The following PABPC4L variants were observed in gnomAD, a reference collection of about 807,000 sequenced individuals.
PABPC4L encodes poly(A) binding protein cytoplasmic 4 like.
For synonymous variants in PABPC4L, 169 were observed against 164.1 expected, an observed-to-expected ratio of 1.03 and a Z score of -0.23; for missense variants, 452 against 451.4, an observed-to-expected ratio of 1.00 and a Z score of -0.01.
At chr4:134,097,214 C>G in the PABPC4L span, among the ~76,000 whole-genome samples, 1 of 151,720 alleles carries the variant, frequency 6.6e-6, no homozygotes, top group African/African-American at 2.4e-5. Flanking sequence ...TGTTTGAAGA[C>G]AATTTAAAAT....
chr4:133,965,622 T>C, the PABPC4L span, among the ~76,000 whole-genome samples: 13 of 152,090 alleles, frequency 8.5e-5, no homozygotes, highest in Non-Finnish European at 1.6e-4. Flanking sequence ...AATATTCACA[T>C]AGACCAATGG....
chr4:133,962,841 C>A, the PABPC4L span, among the ~76,000 whole-genome samples: 42 of 152,112 alleles, frequency 2.8e-4, no homozygotes, highest in African/African-American at 8.9e-4. Flanking sequence ...ACTACAAGAA[C>A]CACTAAAAGG....
the PABPC4L span, among the ~76,000 whole-genome samples, chr4:133,970,880 T>C: frequency 6.6e-6 from 1 of 152,140 alleles, no homozygotes; most frequent in Admixed American, 6.5e-5. Context: ...ACACAAAATC[T>C]GCCCAATACC....
chr4:134,112,622 C>T, the PABPC4L span, among the ~76,000 whole-genome samples: 2 of 146,164 alleles, frequency 1.4e-5, no homozygotes, highest in Admixed American at 1.4e-4. Context: ...ATCTATATAT[C>T]TATCTATATA....
the PABPC4L span, among the ~76,000 whole-genome samples, chr4:134,021,473 C>T: frequency 6.6e-6 from 1 of 152,138 alleles, no homozygotes; most frequent in African/African-American, 2.4e-5. Flanking sequence ...CCCATAGTGT[C>T]TCCATCAGAA....
chr4:134,097,247 A>C, the PABPC4L span, among the ~76,000 whole-genome samples: 18 of 151,966 alleles, frequency 1.2e-4, no homozygotes, highest in Admixed American at 1.1e-3. Flanking sequence ...GACTCTTGAC[A>C]TACTTTTTAA....
At chr4:133,988,908 A>C in the PABPC4L span, among the ~76,000 whole-genome samples, 2 of 152,138 alleles carry the variant, frequency 1.3e-5, no homozygotes, top group South Asian at 2.1e-4. Context: ...CCCAAACCTA[A>C]ATTCTTGTCT....
At chr4:134,088,139 C>T in the PABPC4L span, among the ~76,000 whole-genome samples, 1 of 152,046 alleles carries the variant, frequency 6.6e-6, no homozygotes, top group Non-Finnish European at 1.5e-5. Flanking sequence ...ATTGTTATAT[C>T]CTCCTCATCT....
chr4:133,952,736 T>G, the PABPC4L span, among the ~76,000 whole-genome samples: 1 of 152,092 alleles, frequency 6.6e-6, no homozygotes, highest in East Asian at 1.9e-4. Flanking sequence ...TTAGGAGGCC[T>G]TATCATTACT....
chr4:134,166,414 C>T, the PABPC4L span, among the ~76,000 whole-genome samples: 9 of 152,292 alleles, frequency 5.9e-5, no homozygotes, highest in South Asian at 1.9e-3. Flanking sequence ...GTTTCCCCAT[C>T]TTGACCAGTT....
chr4:134,067,490 A>G, the PABPC4L span, among the ~76,000 whole-genome samples: 1 of 151,996 alleles, frequency 6.6e-6, no homozygotes, highest in Non-Finnish European at 1.5e-5. Context: ...TCCTGGACTC[A>G]TTAATTTTTA....
rs753715778 is a variant in PABPC4L, at chr4:134,200,869, G to T, written c.151C>A (p.Leu51Met). 45 of 1,572,934 alleles carry T rather than the reference G, an allele frequency of 2.9e-5. 1 individual carries two copies. Among genetic ancestry groups the T allele is most frequent in the Non-Finnish European group, 3.8e-5 (44 of 1,158,098 alleles). The change falls in exon 2 of 2, where the codon CTG becomes ATG. Residue 51 changes from leucine (L) to methionine (M), a missense_variant. By Grantham distance (15) the Leu-to-Met change is conservative. Transcript: ENST00000421491. ...ICRDQVTRRS[L>M]GYAYVNFLQL... ...AAGAAGTTCACGTAGGCATAGCCCAGAGAGCGGCGGGTGACCTGGTCCCTG... is the reference window on the plus strand; with the variant it reads ...AAGAAGTTCACGTAGGCATAGCCCATAGAGCGGCGGGTGACCTGGTCCCTG...
At chr4:133,984,757 A>G in the PABPC4L span, among the ~76,000 whole-genome samples, 2 of 151,938 alleles carry the variant, frequency 1.3e-5, no homozygotes, top group Admixed American at 1.3e-4. Context: ...ATTTCTTTTT[A>G]CACCCCATAG....
chr4:134,089,542 T>G, the PABPC4L span, among the ~76,000 whole-genome samples: 1 of 152,120 alleles, frequency 6.6e-6, no homozygotes, highest in African/African-American at 2.4e-5. Context: ...ATTGTTCTAT[T>G]TTATTATTAT....
At chr4:134,103,551 T>C in the PABPC4L span, among the ~76,000 whole-genome samples, 1 of 151,674 alleles carries the variant, frequency 6.6e-6, no homozygotes, top group African/African-American at 2.4e-5. Flanking sequence ...GATTAGGGCA[T>C]ATCCATATGA....
chr4:133,955,397 TATTA>T, the PABPC4L span, among the ~76,000 whole-genome samples: 1 of 152,174 alleles, frequency 6.6e-6, no homozygotes, highest in Non-Finnish European at 1.5e-5. Flanking sequence ...AATTTTCAAC[TATTA>T]AATAGTTAAT....
the PABPC4L span, among the ~76,000 whole-genome samples, chr4:134,059,869 C>G: frequency 6.6e-6 from 1 of 152,084 alleles, no homozygotes; most frequent in Admixed American, 6.6e-5. Context: ...AAAGCACTTT[C>G]ATAAGAACCA....
At chr4:134,062,857 A>AC in the PABPC4L span, among the ~76,000 whole-genome samples, 2 of 152,106 alleles carry the variant, frequency 1.3e-5, no homozygotes, top group Admixed American at 1.3e-4. Flanking sequence ...GGATCATTCT[A>AC]CCAAAACTAA....
chr4:134,123,523 T>C, the PABPC4L span, among the ~76,000 whole-genome samples: 1 of 152,058 alleles, frequency 6.6e-6, no homozygotes, highest in African/African-American at 2.4e-5. Flanking sequence ...GCCATGAGCA[T>C]CGATTTAGTG....
Sources: allele counts gnomAD v4.1 joint callset (sites outside exome capture counted in the v4.1 genomes callset), GRCh38; gene constraint gnomAD v4.1.1; transcripts MANE v1.5; gene names NCBI Gene and HGNC (gene_info 2026-07-23, HGNC 2026-07-21).